Variants in MECOM observed in about 807,000 individuals in gnomAD.
MECOM encodes the protein histone-lysine N-methyltransferase MECOM.
Under a neutral mutation model 116.3 loss-of-function variants are expected in MECOM, and 13 were observed. The ratio of observed to expected loss-of-function variants is 0.11; its 90% CI spans 0.07 to 0.18. MECOM has a LOEUF of 0.18. Among genes scored for constraint, MECOM ranks in the 10% least tolerant of loss-of-function variants. MECOM has a pLI of 1.00. For missense variants in MECOM, 1,299 were observed against 1,509.0 expected (o/e 0.86, Z 2.31); for synonymous variants, 528 against 535.2 (o/e 0.99, Z 0.19).
intron 1 of MECOM, among the ~76,000 whole-genome samples, chr3:169,545,269 T>A (rs991058438): frequency 6.6e-6 from 1 of 152,166 alleles, no homozygotes; most frequent in South Asian, 2.1e-4. Flanking sequence ...GGCACTCTGC[T>A]ACATGGCTTA....
At chr3:169,344,600 G>C (rs1456751380) in intron 2 of MECOM, among the ~76,000 whole-genome samples, 1 of 152,096 alleles carries the variant, frequency 6.6e-6, no homozygotes, top group Non-Finnish European at 1.5e-5. Flanking sequence ...GTAAAATGAA[G>C]GGTTAAACAG....
intron 2 of MECOM, among the ~76,000 whole-genome samples, chr3:169,258,422 T>A (rs1024268060): frequency 3.5e-4 from 53 of 152,192 alleles, no homozygotes; most frequent in African/African-American, 1.0e-3. Context: ...GTTACCCAAG[T>A]CATAGGTTAT....
intron 1 of MECOM, chr3:169,448,058 C>T (rs4955657): frequency 0.046 from 6,949 of 152,174 alleles, 189 homozygotes; most frequent in South Asian, 0.065. Context: ...TGGATGAGAG[C>T]TAGGAGAGGG....
At chr3:169,385,821 T>C (rs191683293) in intron 1 of MECOM, among the ~76,000 whole-genome samples, 7 of 152,300 alleles carry the variant, frequency 4.6e-5, no homozygotes, top group African/African-American at 1.7e-4. Flanking sequence ...TTCTCAGATA[T>C]CACACTGACA....
At chr3:169,329,558 T>A (rs1278436305) in intron 2 of MECOM, among the ~76,000 whole-genome samples, 3 of 152,182 alleles carry the variant, frequency 2.0e-5, no homozygotes, top group East Asian at 1.9e-4. Context: ...GCTGTTGGAA[T>A]CCCACTGAAT....
intron 2 of MECOM, among the ~76,000 whole-genome samples, chr3:169,341,431 CAA>C (rs60482855): frequency 0.48 from 42,860 of 88,802 alleles, 8,352 homozygotes; most frequent in East Asian, 0.63. Context: ...TTAATAGGTT[CAA>C]AAAAAAAAAA....
intron 1 of MECOM, among the ~76,000 whole-genome samples, chr3:169,461,840 G>T (rs1043787905): frequency 9.2e-5 from 14 of 152,104 alleles, no homozygotes; most frequent in African/African-American, 2.7e-4. Context: ...CAATTCCAAG[G>T]ATCTTACAGA....
chr3:169,486,655 G>C (rs994885609), intron 1 of MECOM, among the ~76,000 whole-genome samples: 2 of 152,016 alleles, frequency 1.3e-5, no homozygotes, highest in Admixed American at 6.6e-5. Context: ...AAGAAAAAAG[G>C]CTATCTCCTG....
chr3:169,108,023 G>A (rs1215516805), intron 9 of MECOM, 71 bp from the exon 10 acceptor site: 5 of 1,311,474 alleles, frequency 3.8e-6, no homozygotes, highest in African/African-American at 2.9e-5. Flanking sequence ...TCTATCCTTT[G>A]AGAAATTAAC....
At chr3:169,112,989 G>A (rs74516251) in intron 8 of MECOM, 115 bp from the exon 9 acceptor site, 63,258 of 712,170 alleles carry the variant, frequency 0.089, 3,153 homozygotes, top group Middle Eastern at 0.13. Flanking sequence ...TCTGGGAAGC[G>A]CACTCATAAA....
At chr3:169,336,244 C>T (rs1723571178) in intron 2 of MECOM, among the ~76,000 whole-genome samples, 1 of 151,998 alleles carries the variant, frequency 6.6e-6, no homozygotes, top group Admixed American at 6.6e-5. Flanking sequence ...AATAACATTT[C>T]CTGAGTACAA....
chr3:169,083,596 G>A lies in MECOM; in HGVS notation c.*1313C>T, dbSNP rs1464219872. 2 of 187,832 alleles carry A rather than the reference G, an allele frequency of 1.1e-5. No individual in the cohort carries two copies. The highest frequency in any genetic ancestry group is 2.2e-5 in the Non-Finnish European group (2 of 89,388). The allele number at this position is 187,832 out of a possible 1,614,324, so 11.6% of individuals were successfully genotyped here. A position where few individuals can be genotyped will look rare whatever the true frequency, so the allele number is the denominator to read the frequency against. On this transcript the variant is annotated 3_prime_UTR_variant, in exon 17 of 17. Transcript: ENST00000651503. Reference sequence around the variant, plus strand: ...GTTTATATTGTACAAAGCATTTGAAGAAAGTACCTCAACTTGCTGATTATT... The same window carrying A: ...GTTTATATTGTACAAAGCATTTGAAAAAAGTACCTCAACTTGCTGATTATT...
intron 1 of MECOM, among the ~76,000 whole-genome samples, chr3:169,540,030 CCAGACTTCCGTCCTTATCA>C (rs1759880943): frequency 6.6e-6 from 1 of 152,146 alleles, no homozygotes; most frequent in Admixed American, 6.5e-5. Flanking sequence ...TGTCTGCATG[CCAGACTTCCGTCCTTATCA>C]CACTGCTCTT....
At chr3:169,220,545 G>T (rs1169167667) in intron 2 of MECOM, among the ~76,000 whole-genome samples, 1 of 151,922 alleles carries the variant, frequency 6.6e-6, no homozygotes, top group Non-Finnish European at 1.5e-5. Flanking sequence ...CTCGATTTTG[G>T]CTCACTGCAA....
At chr3:169,246,871 TC>T (rs1337449542) in intron 2 of MECOM, among the ~76,000 whole-genome samples, 1 of 152,210 alleles carries the variant, frequency 6.6e-6, no homozygotes, top group Non-Finnish European at 1.5e-5. Flanking sequence ...GTTCCTTATG[TC>T]TGCTGTTCTT....
intron 2 of MECOM, among the ~76,000 whole-genome samples, chr3:169,234,891 C>G (rs1182958972): frequency 1.3e-5 from 2 of 152,188 alleles, no homozygotes; most frequent in Admixed American, 1.3e-4. Flanking sequence ...AATTAACCAG[C>G]TCTCTAAATA....
At chr3:169,304,988 G>C (rs915254337) in intron 2 of MECOM, among the ~76,000 whole-genome samples, 13 of 152,314 alleles carry the variant, frequency 8.5e-5, no homozygotes, top group African/African-American at 2.9e-4. Flanking sequence ...TGAAAGGGTA[G>C]CTTAAGATTT....
chr3:169,518,091 TTACTGAAAATACAAAAAATTGGACGGG>T (rs897488887), intron 1 of MECOM, among the ~76,000 whole-genome samples: 13 of 151,932 alleles, frequency 8.6e-5, no homozygotes, highest in Non-Finnish European at 1.0e-4. Context: ...TACCCCGTCT[TTACTGAAAATACAAAAAATTGGACGGG>T]CGTGATGGCA....
intron 1 of MECOM, among the ~76,000 whole-genome samples, chr3:169,563,788 C>T (rs967686891): frequency 1.3e-5 from 2 of 152,182 alleles, no homozygotes; most frequent in Non-Finnish European, 2.9e-5. Flanking sequence ...GAAAATGAAG[C>T]TGAGTCAGTT....
Sources: allele counts gnomAD v4.1 joint callset (sites outside exome capture counted in the v4.1 genomes callset), GRCh38; gene constraint gnomAD v4.1.1; transcripts MANE v1.5; gene names NCBI Gene and HGNC (gene_info 2026-07-23, HGNC 2026-07-21).